Variants in GLP1R observed in about 807,000 individuals in gnomAD.
The protein encoded by GLP1R is glucagon-like peptide 1 receptor.
In GLP1R, 32 loss-of-function variants were observed where a neutral mutation model predicts 68.4. The observed-to-expected ratio is 0.47, with a 90% CI of 0.35 to 0.63. GLP1R has a LOEUF of 0.63. Among genes scored for constraint, GLP1R ranks in the 20% least tolerant of loss-of-function variants. The pLI is 0.00. For synonymous variants in GLP1R, 263 were observed against 244.4 expected, an observed-to-expected ratio of 1.08 and a Z score of -0.71; for missense variants, 502 against 594.9, an observed-to-expected ratio of 0.84 and a Z score of 1.62.
rs752474044 is a variant in GLP1R, at chr6:39,066,316, G to A, written c.509+13G>A. 8.7e-6 allele frequency: 13 copies of A among 1,486,552 alleles called. No homozygotes were observed. In the East Asian group the frequency reaches 9.0e-5, roughly 10 times the overall value. 92.1% of individuals were successfully genotyped at this position (1,486,552 alleles called of 1,614,324 possible). On this transcript the variant is annotated intron_variant, in intron 5 of 12. Coordinates refer to ENST00000373256, the MANE Select transcript of GLP1R (RefSeq NM_002062.5). Reference sequence around the variant, plus strand: ...TCCTCGGCTTCAGGTAAGGTGGCCCGGACCCTGGGAGGGGGCTGCTTCATC... The same window carrying A: ...TCCTCGGCTTCAGGTAAGGTGGCCCAGACCCTGGGAGGGGGCTGCTTCATC...
At chr6:39,051,476 G>T (rs1428686412) in intron 1 of GLP1R, among the ~76,000 whole-genome samples, 1 of 152,188 alleles carries the variant, frequency 6.6e-6, no homozygotes, top group Non-Finnish European at 1.5e-5. Context: ...GCCTTGATCA[G>T]TGCGGACATT....
intron 5 of GLP1R, among the ~76,000 whole-genome samples, chr6:39,067,698 A>C (rs1768554480): frequency 6.6e-6 from 1 of 152,182 alleles, no homozygotes; most frequent in African/African-American, 2.4e-5. Context: ...CCTCACATAC[A>C]AAATACATTC....
rs76276111 is a variant in GLP1R, at chr6:39,081,971, T to C, written c.1224+1232T>C. Among the ~76,000 whole-genome samples, 1,366 of 152,346 alleles carry C rather than the reference T, an allele frequency of 9.0e-3. 27 individuals are homozygous for C. The highest frequency in any genetic ancestry group is 0.03 in the African/African-American group (1,229 of 41,590). ...AAGGCCCATCCTAGCTCCTCACAGG[T>C]GCTGCTTGGCATGGAGAAACACACA... On this transcript the variant is annotated intron_variant, in intron 12 of 12. Coordinates refer to ENST00000373256, the MANE Select transcript of GLP1R (RefSeq NM_002062.5).
chr6:39,063,875 G>A (rs1463895168), intron 3 of GLP1R, among the ~76,000 whole-genome samples: 1 of 150,592 alleles, frequency 6.6e-6, no homozygotes, highest in Non-Finnish European at 1.5e-5. Flanking sequence ...CAGGCCCTGG[G>A]GCTGCCACAG....
At chr6:39,070,476 AG>A (rs1287401002) in intron 5 of GLP1R, among the ~76,000 whole-genome samples, 3 of 152,242 alleles carry the variant, frequency 2.0e-5, no homozygotes, top group Admixed American at 2.0e-4. Context: ...GCATATAACT[AG>A]GAGTAGAATT....
At chr6:39,073,093 T>C in intron 6 of GLP1R, 78 bp downstream of exon 6, 2 of 1,359,036 alleles carry the variant, frequency 1.5e-6, no homozygotes, top group East Asian at 2.3e-5. Context: ...TAGACAGGCC[T>C]GGGACAGGAG....
At position 39,090,307 on chromosome 6, in the gene GLP1R, C is replaced by A. The variant is rs536132446; in HGVS notation, c.*4234C>A. 6.6e-6 allele frequency among the ~76,000 whole-genome samples: 1 copy of A among 152,330 alleles called. No individual in the cohort carries two copies. The highest frequency in any genetic ancestry group is 2.1e-4 in the South Asian group (1 of 4,828). The stretch of plus-strand genomic sequence containing the variant: ...TAAGCATAATTGTTTTCCAATAACT[C>A]CCCAAGTCTCTTGGAATATATATGT... On this transcript the variant is annotated 3_prime_UTR_variant, in exon 13 of 13. Transcript: ENST00000373256.
chr6:39,082,670 C>T lies in GLP1R; in HGVS notation c.1224+1931C>T, dbSNP rs140956085. Reference sequence around the variant, plus strand: ...ACCTAAGCTCTGTGGGTGGCCTCCCCTCCAGGAATGCTCTCAGCCAGCTGG... The same window carrying T: ...ACCTAAGCTCTGTGGGTGGCCTCCCTTCCAGGAATGCTCTCAGCCAGCTGG... On this transcript the variant is annotated intron_variant, in intron 12 of 12. Coordinates refer to ENST00000373256, the MANE Select transcript of GLP1R (RefSeq NM_002062.5). 8.0e-3 allele frequency among the ~76,000 whole-genome samples: 1,217 copies of T among 152,280 alleles called. 25 individuals are homozygous for T. The highest frequency in any genetic ancestry group is 0.028 in the African/African-American group (1,151 of 41,554).
At chr6:39,077,619 T>C (rs1266543402) in intron 7 of GLP1R, among the ~76,000 whole-genome samples, 1 of 152,218 alleles carries the variant, frequency 6.6e-6, no homozygotes, top group African/African-American at 2.4e-5. Flanking sequence ...GAAACAATGC[T>C]GATACAACGT....
chr6:39,048,921 G>A lies in GLP1R; in HGVS notation c.78+3G>A, dbSNP rs1170881295. 3 of 1,326,656 alleles carry A rather than the reference G, an allele frequency of 2.3e-6. No homozygotes were observed. The highest frequency in any genetic ancestry group is 3.0e-6 in the Non-Finnish European group (3 of 1,008,256). The allele number at this position is 1,326,656 out of a possible 1,614,324, so 82.2% of individuals were successfully genotyped here. ...GCAGGGCCGGCCCCCGCCCCCAGGT[G>A]AGATCCAGGGACCCCGACGACACCG... On this transcript the variant is annotated splice_donor_region_variant and intron_variant, in intron 1 of 12. Transcript: ENST00000373256.
rs1329654429 is a variant in GLP1R at position 39,079,629 on chromosome 6, T to G, written c.1109T>G (p.Val370Gly). The G allele has an allele frequency of 1.2e-6, 2 of 1,611,886 alleles. No individual in the cohort carries two copies. Among genetic ancestry groups the G allele is most frequent in the Non-Finnish European group, 1.7e-6 (2 of 1,179,222 alleles). The change falls in exon 11 of 13, where the codon GTG becomes GGG. Residue 370 changes from valine to glycine, a missense_variant. Coordinates refer to ENST00000373256, the MANE Select transcript of GLP1R (RefSeq NM_002062.5). This position sits in a 1 kb window ranked among gnomAD's most constrained non-coding sequence, Gnocchi z 4.5. ...LGTHEVIFAF[V>G]MDEHARGTLR... ...ACTCATGAGGTCATCTTTGCCTTTGTGATGGACGAGCACGCCCGGGGGACC... is the reference window on the plus strand; with the variant it reads ...ACTCATGAGGTCATCTTTGCCTTTGGGATGGACGAGCACGCCCGGGGGACC...
chr6:39,086,039 T>C lies in GLP1R; in HGVS notation c.1358T>C (p.Met453Thr), dbSNP rs554064290. The change falls in exon 13 of 13, where the codon ATG (methionine) becomes ACG (threonine). Residue 453 changes from methionine to threonine, a missense_variant. Met to Thr is a moderately conservative substitution (Grantham distance 81). Transcript: ENST00000373256. The surrounding 1 kb of genome is among the most constrained non-coding windows in gnomAD (Gnocchi z 4.5). The stretch of plus-strand genomic sequence containing the variant: ...AGTGGAGCCACGGCGGGCAGCAGCA[T>C]GTACACAGCCACTTGCCAGGCCTCC... ...LSSGATAGSSMYTATCQASCS is the reference protein window; with the variant it reads ...LSSGATAGSSTYTATCQASCS 2.5e-6 allele frequency: 4 copies of C among 1,613,962 alleles called. No homozygotes were observed. The highest frequency in any genetic ancestry group is 1.3e-5 in the African/African-American group (1 of 75,008).
rs1769166859 is a variant in GLP1R at position 39,086,939 on chromosome 6, C to G, written c.*866C>G. On this transcript the variant is annotated 3_prime_UTR_variant, in exon 13 of 13. Transcript: ENST00000373256. This position sits in a 1 kb window ranked among gnomAD's most constrained non-coding sequence, Gnocchi z 4.5. The stretch of plus-strand genomic sequence containing the variant: ...ATGTCCAGACTGTGGGTGTAGATTA[C>G]CTGCCACTTCCAGGAGCCCAGAGGG... 6.6e-6 allele frequency: 1 copy of G among 152,432 alleles called. No homozygotes were observed. The highest frequency in any genetic ancestry group is 1.5e-5 in the Non-Finnish European group (1 of 68,026). 9.4% of individuals were successfully genotyped at this position (152,432 alleles called of 1,614,324 possible).
At chr6:39,082,771 A>C (rs1769039107) in intron 12 of GLP1R, among the ~76,000 whole-genome samples, 1 of 152,060 alleles carries the variant, frequency 6.6e-6, no homozygotes, top group South Asian at 2.1e-4. Flanking sequence ...ACAGGGTGGC[A>C]TGTATCCTGT....
In GLP1R at chr6:39,079,555, G is replaced by T; in HGVS notation, c.1044-9G>T. 6.3e-7 allele frequency: 1 copy of T among 1,584,674 alleles called. No individual in the cohort carries two copies. Among genetic ancestry groups the T allele is most frequent in the Non-Finnish European group, 8.6e-7 (1 of 1,167,926 alleles). On this transcript the variant is annotated splice_polypyrimidine_tract_variant and intron_variant, in intron 10 of 12. Coordinates refer to ENST00000373256, the MANE Select transcript of GLP1R (RefSeq NM_002062.5). The surrounding 1 kb of genome is among the most constrained non-coding windows in gnomAD (Gnocchi z 4.5). ...CAGAATGACTCGAGATCTCTGCCCT[G>T]CCCCTCAGACTTGCCAAGTCCACGC...
intron 6 of GLP1R, 39 bp downstream of exon 6, chr6:39,073,054 CG>C: frequency 6.3e-7 from 1 of 1,588,342 alleles, no homozygotes; most frequent in Non-Finnish European, 8.6e-7. Context: ...GAGGGATGGG[CG>C]GTTGGAGGAG....
intron 1 of GLP1R, among the ~76,000 whole-genome samples, chr6:39,051,607 C>T (rs1326194881): frequency 6.6e-6 from 1 of 152,192 alleles, no homozygotes; most frequent in Non-Finnish European, 1.5e-5. Flanking sequence ...TCCTCAGCTG[C>T]AGCCTGCCCC....
chr6:39,071,121 T>G (rs1186390517), intron 5 of GLP1R, among the ~76,000 whole-genome samples: 1 of 151,756 alleles, frequency 6.6e-6, no homozygotes, highest in Non-Finnish European at 1.5e-5. Context: ...CTGAGGTGGG[T>G]GGATCACAAG....
chr6:39,049,682 C>T lies in GLP1R; in HGVS notation c.78+764C>T, dbSNP rs577136887. 2.2e-4 allele frequency among the ~76,000 whole-genome samples: 33 copies of T among 152,290 alleles called. No homozygotes were observed. Among genetic ancestry groups the T allele is most frequent in the South Asian group, 8.3e-4 (4 of 4,820 alleles). On this transcript the variant is annotated intron_variant, in intron 1 of 12. Transcript: ENST00000373256. The surrounding 1 kb of genome is among the most constrained non-coding windows in gnomAD (Gnocchi z 4.5). Reference sequence around the variant, plus strand: ...CCCCAAGAGAAGGCATACTGGGACACGCAAGAACACCTGGGCTCCTTGGTG... The same window carrying T: ...CCCCAAGAGAAGGCATACTGGGACATGCAAGAACACCTGGGCTCCTTGGTG...
Sources: gnomAD v4.1 joint callset for allele counts (sites outside exome capture counted in the v4.1 genomes callset) on GRCh38, gnomAD v4.1.1 for gene constraint, Gnocchi (gnomAD v3.1) non-coding constraint, MANE v1.5 for transcripts, NCBI Gene and HGNC (gene_info 2026-07-23, HGNC 2026-07-21) for gene names.